Variants in COL25A1 observed in about 807,000 individuals in gnomAD.
The protein encoded by COL25A1 is collagen type XXV alpha 1 chain, also known as collagen alpha-1(XXV) chain.
Under a neutral mutation model 128.4 loss-of-function variants are expected in COL25A1, and 103 were observed. The ratio of observed to expected loss-of-function variants is 0.80; its 90% CI spans 0.68 to 0.94. The LOEUF (loss-of-function observed/expected upper bound fraction) is 0.94. Ranked by LOEUF, COL25A1 falls within the 40% of genes least tolerant of loss-of-function variation. The pLI, the probability that COL25A1 is intolerant of heterozygous loss-of-function variation, is 0.00. For missense variants in COL25A1, 745 were observed against 840.0 expected (o/e 0.89, Z 1.40); for synonymous variants, 279 against 277.2 (o/e 1.01, Z -0.06).
At chr4:109,045,349 A>C (rs902566136) in intron 5 of COL25A1, among the ~76,000 whole-genome samples, 7 of 152,148 alleles carry the variant, frequency 4.6e-5, no homozygotes, top group Non-Finnish European at 8.8e-5. Flanking sequence ...TTAACTGTAC[A>C]TAAAATTAAG....
At chr4:109,276,276 G>A (rs888397872) in intron 3 of COL25A1, among the ~76,000 whole-genome samples, 5 of 151,936 alleles carry the variant, frequency 3.3e-5, no homozygotes, top group Non-Finnish European at 2.9e-5. Context: ...GCCGGGCATG[G>A]TGATGGGTGC....
At chr4:109,135,779 T>G (rs946156173) in intron 3 of COL25A1, among the ~76,000 whole-genome samples, 2 of 152,068 alleles carry the variant, frequency 1.3e-5, no homozygotes, top group African/African-American at 2.4e-5. Context: ...GAAATTTGGG[T>G]TTTTTTCCCC....
intron 6 of COL25A1, among the ~76,000 whole-genome samples, chr4:108,983,892 G>C (rs966031200): frequency 1.3e-5 from 2 of 152,294 alleles, no homozygotes; most frequent in South Asian, 2.1e-4. Flanking sequence ...ATTGCAAAGA[G>C]CAAAAGAACA....
intron 3 of COL25A1, among the ~76,000 whole-genome samples, chr4:109,099,127 C>T (rs1172626373): frequency 6.6e-6 from 1 of 152,154 alleles, no homozygotes; most frequent in East Asian, 1.9e-4. Context: ...TAATAAGATG[C>T]TTTCCTTTAA....
intron 3 of COL25A1, among the ~76,000 whole-genome samples, chr4:109,121,012 G>A (rs76120742): frequency 0.018 from 2,684 of 152,022 alleles, 86 homozygotes; most frequent in African/African-American, 0.062. Flanking sequence ...ATATTATCAA[G>A]ACATCAATTT....
At chr4:108,827,450 A>C (rs2125719624) in intron 32 of COL25A1, among the ~76,000 whole-genome samples, 1 of 152,350 alleles carries the variant, frequency 6.6e-6, no homozygotes, top group East Asian at 1.9e-4. Flanking sequence ...CAGATGTCAT[A>C]CTTAGGTTTC....
In COL25A1 at chr4:109,187,279, G is replaced by A. The variant is rs552486632; in HGVS notation, c.367+113304C>T. 1.1e-4 allele frequency among the ~76,000 whole-genome samples: 16 copies of A among 150,644 alleles called. No individual in the cohort carries two copies. In the South Asian group the frequency reaches 2.1e-3, roughly 20 times the overall value. On this transcript the variant is annotated intron_variant, in intron 3 of 37. Coordinates refer to ENST00000399132, the MANE Select transcript of COL25A1 (RefSeq NM_198721.4). ...CAAAGACTTCTCCAGGTTTCTTTAC[G>A]TGTATTTAAATTAAGTAGATTCAGA...
intron 3 of COL25A1, among the ~76,000 whole-genome samples, chr4:109,198,023 G>T (rs1039881164): frequency 2.6e-5 from 4 of 151,144 alleles, no homozygotes; most frequent in African/African-American, 9.8e-5. Flanking sequence ...GTAACAGCAA[G>T]ATTTTTTTTT....
At chr4:108,855,673 T>C (rs567286168) in intron 24 of COL25A1, among the ~76,000 whole-genome samples, 19 of 152,280 alleles carry the variant, frequency 1.2e-4, no homozygotes, top group Non-Finnish European at 2.5e-4. Flanking sequence ...AAGAATATTA[T>C]TAATAGTAAC....
intron 3 of COL25A1, among the ~76,000 whole-genome samples, chr4:109,257,767 T>C (rs1286923936): frequency 6.6e-6 from 1 of 152,148 alleles, no homozygotes; most frequent in East Asian, 1.9e-4. Flanking sequence ...ATGCAGTTTA[T>C]GATGAAGTGG....
intron 6 of COL25A1, among the ~76,000 whole-genome samples, chr4:108,991,524 T>C (rs1754232098): frequency 6.6e-6 from 1 of 152,202 alleles, no homozygotes; most frequent in Non-Finnish European, 1.5e-5. Context: ...ATTCTCTTTA[T>C]AATGCAACCA....
At chr4:108,853,361 AAACT>A (rs1320710877) in intron 24 of COL25A1, among the ~76,000 whole-genome samples, 2 of 142,142 alleles carry the variant, frequency 1.4e-5, no homozygotes, top group African/African-American at 5.1e-5. Context: ...TGTTGCATTA[AAACT>A]AACTTTGTGT....
intron 3 of COL25A1, among the ~76,000 whole-genome samples, chr4:109,132,766 T>A (rs749017742): frequency 4.6e-5 from 7 of 152,142 alleles, no homozygotes; most frequent in Non-Finnish European, 7.4e-5. Flanking sequence ...TTGGAAAGAA[T>A]AATTTTCAAA....
chr4:108,907,921 T>C (rs1460558480), intron 13 of COL25A1, among the ~76,000 whole-genome samples: 1 of 152,150 alleles, frequency 6.6e-6, no homozygotes, highest in African/African-American at 2.4e-5. Context: ...AATTTGCTTA[T>C]GCTTCCATGG....
chr4:109,130,497 C>T (rs762786465), intron 3 of COL25A1, among the ~76,000 whole-genome samples: 15 of 151,952 alleles, frequency 9.9e-5, no homozygotes, highest in Non-Finnish European at 2.2e-4. Flanking sequence ...GGATGATTTC[C>T]AGGAGATAGA....
intron 19 of COL25A1, among the ~76,000 whole-genome samples, chr4:108,869,590 C>A (rs958171735): frequency 6.6e-6 from 1 of 152,050 alleles, no homozygotes; most frequent in Non-Finnish European, 1.5e-5. Flanking sequence ...TGTAGGACAC[C>A]CAGTTGGTGT....
At chr4:109,294,474 C>A in intron 3 of COL25A1, among the ~76,000 whole-genome samples, 1 of 152,056 alleles carries the variant, frequency 6.6e-6, no homozygotes. Context: ...CAGTAACTAT[C>A]CATGTCTAAG....
At chr4:109,201,524 A>G in intron 3 of COL25A1, among the ~76,000 whole-genome samples, 1 of 152,198 alleles carries the variant, frequency 6.6e-6, no homozygotes, top group East Asian at 1.9e-4. Context: ...ACAACAAACT[A>G]TTAACATCAC....
Position 109,254,483 on chromosome 4 carries a change from ATATATATATATATATATATATATG to A in COL25A1, c.367+46076_367+46099del, listed in dbSNP as rs199640397. On this transcript the variant is annotated intron_variant, in intron 3 of 37. Coordinates refer to ENST00000399132, the MANE Select transcript of COL25A1 (RefSeq NM_198721.4). ...TAGGCATATGTTTATATATATATAT[ATATATATATATATATATATATATG>A]TATGTGTGTATATACATATACATAT... 1.2e-3 allele frequency among the ~76,000 whole-genome samples: 118 copies of A among 97,652 alleles called. 5 individuals are homozygous for A. The East Asian group carries it at 0.037, about 31-fold the overall frequency. The allele number at this position is 97,652 out of a possible 152,430, so 64.1% of individuals were successfully genotyped here.
Sources: gnomAD v4.1 joint callset for allele counts (sites outside exome capture counted in the v4.1 genomes callset) on GRCh38, gnomAD v4.1.1 for gene constraint, MANE v1.5 for transcripts, NCBI Gene and HGNC (gene_info 2026-07-23, HGNC 2026-07-21) for gene names.